HDAC9: variants seen among roughly 807,000 people sequenced by gnomAD.
HDAC9 encodes the protein histone deacetylase 9, also known as MEF-2 interacting transcription repressor (MITR) protein.
In HDAC9, 41 loss-of-function variants were observed where a neutral mutation model predicts 139.4. The ratio of observed to expected loss-of-function variants is 0.29; its 90% confidence interval spans 0.23 to 0.38. The LOEUF (loss-of-function observed/expected upper bound fraction) is 0.38. HDAC9 is among the 10% of genes least tolerant of loss of function. The pLI, the probability that HDAC9 is intolerant of heterozygous loss-of-function variation, is 1.00. For missense variants in HDAC9, 1,147 were observed against 1,297.0 expected, an observed-to-expected ratio of 0.88 and a Z score of 1.78; for synonymous variants, 517 against 476.2, an observed-to-expected ratio of 1.09 and a Z score of -1.12.
At chr7:18,511,419 C>T (rs951653212) in intron 2 of HDAC9, among the ~76,000 whole-genome samples, 1 of 152,064 alleles carries the variant, frequency 6.6e-6, no homozygotes, top group South Asian at 2.1e-4. Flanking sequence ...TATCTCAGTT[C>T]AGTCTTAGAT....
At chr7:18,186,547 G>C (rs984115760) in intron 2 of HDAC9, among the ~76,000 whole-genome samples, 3 of 152,150 alleles carry the variant, frequency 2.0e-5, no homozygotes, top group Admixed American at 2.0e-4. Context: ...CTTCGGGTAG[G>C]GAGAAAATAG....
intron 17 of HDAC9, among the ~76,000 whole-genome samples, chr7:18,818,423 A>G (rs983102647): frequency 1.3e-5 from 2 of 152,244 alleles, no homozygotes; most frequent in Admixed American, 6.5e-5. Flanking sequence ...TTATATTTAT[A>G]AAACTTAAGT....
At chr7:18,646,008 A>T (rs1343196767) in intron 9 of HDAC9, among the ~76,000 whole-genome samples, 3 of 152,328 alleles carry the variant, frequency 2.0e-5, no homozygotes, top group Admixed American at 6.5e-5. Flanking sequence ...CATTGAAAAT[A>T]CAGAATTCAG....
chr7:18,741,987 C>T (rs571611195), intron 13 of HDAC9, among the ~76,000 whole-genome samples: 1 of 152,254 alleles, frequency 6.6e-6, no homozygotes, highest in East Asian at 1.9e-4. Flanking sequence ...GGAGTTATTT[C>T]TTAGGGGTTG....
chr7:18,604,045 T>C (rs1269627688), intron 6 of HDAC9, among the ~76,000 whole-genome samples: 1 of 152,134 alleles, frequency 6.6e-6, no homozygotes, highest in Non-Finnish European at 1.5e-5. Context: ...TCTTTGAAGA[T>C]CTCTTTATCT....
At chr7:18,289,940 G>T (rs534552834), upstream of HDAC9, among the ~76,000 whole-genome samples, 2 of 152,070 alleles carry the variant, frequency 1.3e-5, no homozygotes, top group Non-Finnish European at 2.9e-5. Flanking sequence ...AAAGAAAGTC[G>T]TCAGAGCCAG....
intron 2 of HDAC9, among the ~76,000 whole-genome samples, chr7:18,281,067 G>A (rs975085584): frequency 1.3e-5 from 2 of 152,130 alleles, no homozygotes; most frequent in African/African-American, 2.4e-5. Context: ...TTACTTTTGG[G>A]CAGATGTGCC....
At chr7:18,700,188 G>C (rs1178616868) in intron 12 of HDAC9, among the ~76,000 whole-genome samples, 1 of 152,194 alleles carries the variant, frequency 6.6e-6, no homozygotes, top group East Asian at 1.9e-4. Flanking sequence ...GCAATTACTA[G>C]ATTTGGATGT....
intron 2 of HDAC9, among the ~76,000 whole-genome samples, chr7:18,221,162 G>C (rs909781400): frequency 6.7e-6 from 1 of 149,908 alleles, no homozygotes; most frequent in Admixed American, 6.6e-5. Context: ...GAGTACAGTG[G>C]TGCAATCTGG....
At chr7:18,741,441 T>A (rs1273027517) in intron 13 of HDAC9, among the ~76,000 whole-genome samples, 1 of 152,140 alleles carries the variant, frequency 6.6e-6, no homozygotes, top group Non-Finnish European at 1.5e-5. Flanking sequence ...GTTTAGAGTG[T>A]GGTTTATTGA....
intron 2 of HDAC9, among the ~76,000 whole-genome samples, chr7:18,283,003 A>G (rs375963349): frequency 7.0e-4 from 87 of 123,768 alleles, no homozygotes; most frequent in African/African-American, 2.5e-3. Flanking sequence ...TAGATACTCA[A>G]CACTCTAACC....
intron 1 of HDAC9, among the ~76,000 whole-genome samples, chr7:18,391,149 C>T (rs1786441760): frequency 6.6e-6 from 1 of 152,084 alleles, no homozygotes; most frequent in African/African-American, 2.4e-5. Flanking sequence ...CTTTGGGAGG[C>T]TGAGGTGAGC....
chr7:18,818,767 GC>G (rs1794754154), intron 17 of HDAC9, among the ~76,000 whole-genome samples: 1 of 152,058 alleles, frequency 6.6e-6, no homozygotes, highest in African/African-American at 2.4e-5. Flanking sequence ...TGATTTTGAA[GC>G]CTAAATTACT....
intron 12 of HDAC9, among the ~76,000 whole-genome samples, chr7:18,719,243 GT>G (rs898047989): frequency 1.3e-4 from 20 of 149,700 alleles, no homozygotes; most frequent in African/African-American, 4.7e-4. Flanking sequence ...TAACTTGTGG[GT>G]TACCTTTCCA....
intron 1 of HDAC9, among the ~76,000 whole-genome samples, chr7:18,402,849 C>A (rs1787672671): frequency 1.3e-5 from 2 of 152,072 alleles, no homozygotes; most frequent in Non-Finnish European, 2.9e-5. Flanking sequence ...CATTATATTA[C>A]CCTTCAGAGA....
chr7:18,447,171 A>T (rs901069317), intron 1 of HDAC9, among the ~76,000 whole-genome samples: 5 of 152,176 alleles, frequency 3.3e-5, no homozygotes, highest in African/African-American at 1.2e-4. Context: ...ATCCAAATCT[A>T]GATATGAGTC....
At chr7:18,718,570 A>C (rs1784889576) in intron 12 of HDAC9, among the ~76,000 whole-genome samples, 1 of 152,042 alleles carries the variant, frequency 6.6e-6, no homozygotes, top group African/African-American at 2.4e-5. Context: ...TCATGTTTTC[A>C]AGGTTCATCC....
At chr7:18,604,529 C>T (rs1834894040) in intron 6 of HDAC9, among the ~76,000 whole-genome samples, 1 of 151,804 alleles carries the variant, frequency 6.6e-6, no homozygotes, top group African/African-American at 2.4e-5. Flanking sequence ...GCCTCAGCCT[C>T]CCGAGAAGCT....
chr7:18,223,417 G>C (rs921359393), intron 2 of HDAC9, among the ~76,000 whole-genome samples: 4 of 147,186 alleles, frequency 2.7e-5, no homozygotes, highest in African/African-American at 7.5e-5. Flanking sequence ...TGGATGCCAA[G>C]GCACTTTATG....
Sources: gnomAD v4.1 joint callset for allele counts (sites outside exome capture counted in the v4.1 genomes callset) on GRCh38, gnomAD v4.1.1 for gene constraint, MANE v1.5 for transcripts, NCBI Gene and HGNC (gene_info 2026-07-23, HGNC 2026-07-21) for gene names.